ATF2: variants seen among roughly 807,000 people sequenced by gnomAD.
ATF2 encodes cyclic AMP-dependent transcription factor ATF-2.
Under a neutral mutation model 60.6 loss-of-function variants are expected in ATF2, and 24 were observed. The ratio of observed to expected loss-of-function variants is 0.40; its 90% CI spans 0.29 to 0.56. The LOEUF (loss-of-function observed/expected upper bound fraction) is 0.56. Among genes scored for constraint, ATF2 ranks in the 20% least tolerant of loss-of-function variants. The pLI is 0.54. For synonymous variants in ATF2, 206 were observed against 215.4 expected (o/e 0.96, Z 0.38); for missense variants, 433 against 607.7 (o/e 0.71, Z 3.02).
intron 4 of ATF2, among the ~76,000 whole-genome samples, chr2:175,124,543 TTAGA>T (rs1697189765): frequency 6.6e-6 from 1 of 151,948 alleles, no homozygotes; most frequent in African/African-American, 2.4e-5. Flanking sequence ...TTTAAACATA[TTAGA>T]TAGACACAAA....
chr2:175,127,053 G>A (rs1363101186), intron 4 of ATF2: 2 of 151,778 alleles, frequency 1.3e-5, no homozygotes, highest in Non-Finnish European at 2.9e-5. Flanking sequence ...ACAACATTGA[G>A]AGATCCTGTA....
intron 10 of ATF2, among the ~76,000 whole-genome samples, chr2:175,108,104 T>G (rs2105657534): frequency 7.1e-6 from 1 of 140,512 alleles, no homozygotes; most frequent in East Asian, 2.1e-4. Flanking sequence ...CCGGCCGCCA[T>G]CCCATCTAGG....
At chr2:175,124,282 GAA>G (rs11292728) in intron 4 of ATF2, among the ~76,000 whole-genome samples, 20 of 147,178 alleles carry the variant, frequency 1.4e-4, no homozygotes, top group East Asian at 2.0e-4. Flanking sequence ...TGGAAAAAGT[GAA>G]AAAAAAAAAG....
intron 10 of ATF2, among the ~76,000 whole-genome samples, chr2:175,107,183 C>A (rs903678587): frequency 6.6e-6 from 1 of 152,022 alleles, no homozygotes; most frequent in Non-Finnish European, 1.5e-5. Flanking sequence ...AAAGACCTCA[C>A]AACTAATGCC....
Position 175,097,490 on chromosome 2 carries a change from C to T in ATF2, c.932G>A (p.Arg311Gln), listed in dbSNP as rs371448160. The change falls in exon 11 of 14, where the codon CGA (arginine) becomes CAA (glutamine). Residue 311 changes from arginine (R) to glutamine (Q), a missense_variant. Coordinates refer to ENST00000264110, the MANE Select transcript of ATF2 (RefSeq NM_001880.4). ...GLVRTQSEES[R>Q]PQSLQQPATS... The stretch of plus-strand genomic sequence containing the variant: ...GGCTGGCTGTTGTAATGACTGCGGT[C>T]GAGATTCCTCTGACTGAGTCCTAAC... 8 of 1,614,092 alleles carry T rather than the reference C, an allele frequency of 5.0e-6. No homozygotes were observed. The African/African-American group carries it at 8.0e-5, about 16-fold the overall frequency.
intron 4 of ATF2, among the ~76,000 whole-genome samples, chr2:175,129,753 CA>C (rs1432030087): frequency 6.6e-6 from 1 of 151,968 alleles, no homozygotes; most frequent in East Asian, 1.9e-4. Context: ...AAGTAAATAC[CA>C]GTTAATTTCA....
chr2:175,123,025 T>C (rs1574423364), intron 4 of ATF2, among the ~76,000 whole-genome samples: 1 of 152,168 alleles, frequency 6.6e-6, no homozygotes, highest in East Asian at 1.9e-4. Flanking sequence ...AGTGTTCAGA[T>C]GCAACAACAC....
chr2:175,114,389 G>C (rs1007655050), intron 8 of ATF2: 1 of 1,250,902 alleles, frequency 8.0e-7, no homozygotes, highest in African/African-American at 1.6e-5. Flanking sequence ...GGAGCTACCA[G>C]TAAGAACTGA....
In ATF2 at chr2:175,101,258, T is replaced by C. The variant is rs564327181; in HGVS notation, c.829-3665A>G. Among the ~76,000 whole-genome samples the C allele has an allele frequency of 1.5e-4, 23 of 152,238 alleles. No homozygotes were observed. The East Asian group carries it at 3.9e-3, about 26-fold the overall frequency. On this transcript the variant is annotated intron_variant, in intron 10 of 13. Coordinates refer to ENST00000264110, the MANE Select transcript of ATF2 (RefSeq NM_001880.4). ...GTAGCTGGCTAGAACCAGATAGGAA[T>C]ACTTAGAAAAACGATCAAGAAGTAT...
At chr2:175,158,010 A>G (rs1247462412) in intron 1 of ATF2, among the ~76,000 whole-genome samples, 2 of 151,946 alleles carry the variant, frequency 1.3e-5, no homozygotes, top group Non-Finnish European at 2.9e-5. Context: ...AAAAACACCA[A>G]TATCTGTCAT....
chr2:175,163,712 G>C (rs1021716914), intron 1 of ATF2, among the ~76,000 whole-genome samples: 1 of 151,158 alleles, frequency 6.6e-6, no homozygotes, highest in Non-Finnish European at 1.5e-5. Flanking sequence ...GGGAGGCCGA[G>C]GCAGGTTCGA....
intron 2 of ATF2, among the ~76,000 whole-genome samples, chr2:175,137,793 A>G (rs995141471): frequency 3.3e-5 from 5 of 152,008 alleles, no homozygotes; most frequent in African/African-American, 1.2e-4. Context: ...ACAGCAGCCC[A>G]TTTCTTAGCC....
At chr2:175,148,427 G>C (rs1699092845) in intron 2 of ATF2, among the ~76,000 whole-genome samples, 1 of 151,390 alleles carries the variant, frequency 6.6e-6, no homozygotes, top group Non-Finnish European at 1.5e-5. Context: ...CTGAGACTCT[G>C]AGAACCTCTG....
chr2:175,148,528 A>C (rs909620736), intron 2 of ATF2, among the ~76,000 whole-genome samples: 1 of 152,120 alleles, frequency 6.6e-6, no homozygotes, highest in Non-Finnish European at 1.5e-5. Flanking sequence ...TTCCAAAGTT[A>C]ACCCGAAAAA....
chr2:175,083,743 T>C (rs1043116819), intron 12 of ATF2, among the ~76,000 whole-genome samples: 4 of 152,160 alleles, frequency 2.6e-5, no homozygotes, highest in South Asian at 2.1e-4. Context: ...GCAACCTACT[T>C]ATCTGACAAA....
chr2:175,114,700 T>C lies in ATF2; in HGVS notation c.616A>G (p.Arg206Gly). The C allele has an allele frequency of 2.5e-6, 4 of 1,613,416 alleles. No individual in the cohort carries two copies. The highest frequency in any genetic ancestry group is 3.4e-6 in the Non-Finnish European group (4 of 1,179,510). Residue 206 changes from arginine (R) to glycine (G), a missense_variant, in exon 8 of 14, where the codon AGG becomes GGG. Physicochemically the swap from Arg to Gly is moderately radical, Grantham distance 125 (BLOSUM62 -2). Around this residue, in one of 5 missense-constraint regions of ATF2, gnomAD observed 246 missense variants for 309.3 expected, o/e 0.80. Transcript: ENST00000264110. ...TVITQAPSSN[R>G]PIVPVPGPFP... ...GCCTGAATCACTTACACAATTGGCC[T>C]GTTAGAGGATGGTGCCTGGGTGATT... is the stretch of plus-strand genomic sequence containing the variant.
chr2:175,081,547 G>C (rs1693757634), intron 12 of ATF2, among the ~76,000 whole-genome samples: 1 of 152,088 alleles, frequency 6.6e-6, no homozygotes, highest in Non-Finnish European at 1.5e-5. Flanking sequence ...ATACTCAAGA[G>C]TTAGAAATAA....
chr2:175,075,785 T>G (rs1440678212), intron 13 of ATF2, among the ~76,000 whole-genome samples: 1 of 152,186 alleles, frequency 6.6e-6, no homozygotes, highest in Non-Finnish European at 1.5e-5. Flanking sequence ...TGACATTTCT[T>G]TAACCATTCT....
At chr2:175,154,234 A>AAAAAAT (rs59907964) in intron 1 of ATF2, among the ~76,000 whole-genome samples, 9 of 131,626 alleles carry the variant, frequency 6.8e-5, no homozygotes, top group South Asian at 2.4e-4. Context: ...AGAAAAAAAA[A>AAAAAAT]ATATATATAT....
Sources: allele counts gnomAD v4.1 joint callset (sites outside exome capture counted in the v4.1 genomes callset), GRCh38; gene constraint gnomAD v4.1.1; regional missense constraint gnomAD v4.1.1; transcripts MANE v1.5; gene names NCBI Gene and HGNC (gene_info 2026-07-23, HGNC 2026-07-21).